Variants in PCDHA2 observed in about 807,000 individuals in gnomAD.
PCDHA2 encodes the protein protocadherin alpha 2.
PCDHA2 carries 58 observed loss-of-function variants against 66.0 expected under a neutral mutation model. The ratio of observed to expected loss-of-function variants is 0.88; its 90% CI spans 0.71 to 1.09. The LOEUF (loss-of-function observed/expected upper bound fraction) is 1.09, where lower values mean the gene tolerates loss of function less well. PCDHA2 is among the 50% of genes least tolerant of loss of function. The pLI is 0.00. For missense variants in PCDHA2, 1,267 were observed against 1,242.3 expected (o/e 1.02, Z -0.30); for synonymous variants, 634 against 554.0 (o/e 1.14, Z -2.03).
intron 1 of PCDHA2, chr5:140,929,147 A>G (rs1247156816): frequency 6.2e-7 from 1 of 1,614,062 alleles, no homozygotes; most frequent in Non-Finnish European, 8.5e-7. Flanking sequence ...AGACTTTCTC[A>G]GACTTATCTC....
chr5:140,869,247 C>T (rs1186478553), intron 1 of PCDHA2: 8 of 1,613,526 alleles, frequency 5.0e-6, no homozygotes, highest in Middle Eastern at 1.7e-4. Flanking sequence ...TGGGCCGCAT[C>T]GCGCAGGACC....
chr5:140,886,944 C>A (rs577897989), intron 1 of PCDHA2, among the ~76,000 whole-genome samples: 2 of 152,010 alleles, frequency 1.3e-5, no homozygotes, highest in African/African-American at 4.8e-5. Context: ...ATGTTCTACA[C>A]ATTAGACATT....
At chr5:140,822,911 G>A (rs2150120278) in intron 1 of PCDHA2, 1 of 1,614,254 alleles carries the variant, frequency 6.2e-7, no homozygotes, top group Non-Finnish European at 8.5e-7. Flanking sequence ...CGTGACTCAG[G>A]TGCCAACGGG....
chr5:140,841,780 G>A (rs2150322576), intron 1 of PCDHA2: 4 of 1,613,890 alleles, frequency 2.5e-6, no homozygotes, highest in East Asian at 2.2e-5. Flanking sequence ...CTCGGTTTCC[G>A]CTAGAGGGCG....
chr5:140,826,315 G>A (rs1050312950), intron 1 of PCDHA2, among the ~76,000 whole-genome samples: 70 of 151,840 alleles, frequency 4.6e-4, no homozygotes, highest in Non-Finnish European at 4.4e-5. Context: ...TTGTTTTGGG[G>A]ATTGTTTTTG....
chr5:140,851,277 A>C (rs1190417685), intron 1 of PCDHA2: 1 of 1,055,236 alleles, frequency 9.5e-7, no homozygotes, highest in East Asian at 4.9e-5. Flanking sequence ...TGTATTGTTT[A>C]TAAGAAACCC....
intron 1 of PCDHA2, chr5:140,807,298 G>A (rs1269020710): frequency 3.7e-6 from 6 of 1,614,096 alleles, no homozygotes; most frequent in Non-Finnish European, 5.1e-6. Context: ...CGGTCTCCGA[G>A]GAGGCCAAAC....
At chr5:140,927,714 C>G (rs111315855) in intron 1 of PCDHA2, 1 of 1,614,198 alleles carries the variant, frequency 6.2e-7, no homozygotes. Flanking sequence ...CCCTAAGCAA[C>G]AGCACGCAAG....
At chr5:140,877,391 C>T (rs782042077) in intron 1 of PCDHA2, 21 of 1,613,950 alleles carry the variant, frequency 1.3e-5, no homozygotes, top group Non-Finnish European at 1.8e-5. Flanking sequence ...CTGGATGAGG[C>T]GGACGCTCCG....
At chr5:140,836,321 C>G (rs2150257689) in intron 1 of PCDHA2, 3 of 1,613,768 alleles carry the variant, frequency 1.9e-6, no homozygotes, top group Non-Finnish European at 2.5e-6. Context: ...CGCGCCACCG[C>G]CTTCTGGTGC....
intron 1 of PCDHA2, among the ~76,000 whole-genome samples, chr5:140,958,824 A>G (rs1008923744): frequency 5.9e-5 from 9 of 152,158 alleles, no homozygotes; most frequent in Admixed American, 5.9e-4. Context: ...TAATTTTTAT[A>G]TCTTAAAGTT....
intron 1 of PCDHA2, among the ~76,000 whole-genome samples, chr5:140,903,731 T>C (rs1554191096): frequency 6.6e-6 from 1 of 152,238 alleles, no homozygotes; most frequent in South Asian, 2.1e-4. Context: ...CTATTATCAA[T>C]TATTACAGAA....
chr5:140,849,480 C>G (rs1554142971), intron 1 of PCDHA2: 1 of 1,590,328 alleles, frequency 6.3e-7, no homozygotes, highest in African/African-American at 1.4e-5. Context: ...AGGCTTCCCA[C>G]CCCTGGCTGG....
intron 1 of PCDHA2, chr5:140,857,557 G>A: frequency 6.3e-7 from 1 of 1,596,936 alleles, no homozygotes; most frequent in Non-Finnish European, 8.6e-7. Flanking sequence ...AGCGCTCGCT[G>A]TCGAGCTACG....
intron 1 of PCDHA2, chr5:140,870,518 A>G: frequency 6.2e-7 from 1 of 1,614,230 alleles, no homozygotes; most frequent in Admixed American, 1.7e-5. Context: ...CCAGGCTGCC[A>G]CATCTTCACA....
chr5:140,914,426 A>G (rs1554196349), intron 1 of PCDHA2, among the ~76,000 whole-genome samples: 1 of 152,140 alleles, frequency 6.6e-6, no homozygotes, highest in African/African-American at 2.4e-5. Context: ...TTAGCAAGGA[A>G]TATCTTTTCC....
chr5:140,839,004 T>C (rs1554137267), intron 1 of PCDHA2, among the ~76,000 whole-genome samples: 1 of 152,116 alleles, frequency 6.6e-6, no homozygotes, highest in East Asian at 1.9e-4. Context: ...TAATATACTT[T>C]AGTAAATTAT....
rs370989006 is a variant in PCDHA2 at position 141,009,739 on chromosome 5, C to T, written c.2649C>T (p.Pro883=). The change falls in exon 4 of 4, where the codon CCC becomes CCT. Residue 883 remains proline (P), a synonymous_variant. Transcript: ENST00000526136. ...AACAATCCGGTCCCGGTGAGTTGCC[C>T]GACAAATTCATTATCCCAGGATCTC... ...NPKQSGPGEL[P]DKFIIPGSPA... is the part of the protein sequence containing the mutation. 55 of 1,614,008 alleles carry T rather than the reference C, an allele frequency of 3.4e-5. No homozygotes were observed. Among genetic ancestry groups the T allele is most frequent in the African/African-American group, 2.4e-4 (18 of 74,972 alleles).
intron 1 of PCDHA2, chr5:140,834,834 C>G (rs1580793449): frequency 6.2e-7 from 1 of 1,611,936 alleles, no homozygotes; most frequent in Non-Finnish European, 8.5e-7. Flanking sequence ...GCTTGACTCT[C>G]GGTTTCCACT....
Sources: allele counts gnomAD v4.1 joint callset (sites outside exome capture counted in the v4.1 genomes callset), GRCh38; gene constraint gnomAD v4.1.1; transcripts MANE v1.5; gene names NCBI Gene and HGNC (gene_info 2026-07-23, HGNC 2026-07-21).